The following SMC2 variants were observed in gnomAD, a reference collection of about 807,000 sequenced individuals.
SMC2 encodes structural maintenance of chromosomes protein 2.
A neutral mutation model predicts 142.6 loss-of-function variants in SMC2; 41 were observed. That is an observed-to-expected ratio of 0.29 (90% confidence interval 0.22 to 0.37). SMC2 has a LOEUF of 0.37. Ranked by LOEUF, SMC2 falls within the 10% of genes least tolerant of loss-of-function variation. The probability of loss-of-function intolerance (pLI) is 1.00; values close to 1 mark genes in which losing one functional copy is unlikely to be tolerated. For synonymous variants in SMC2, 463 were observed against 457.5 expected (o/e 1.01, Z -0.15); for missense variants, 1,265 against 1,373.7 (o/e 0.92, Z 1.25).
chr9:104,096,429 C>G, intron 3 of SMC2, 132 bp downstream of exon 3: 1 of 719,274 alleles, frequency 1.4e-6, no homozygotes, highest in South Asian at 1.9e-5. Context: ...TGACTAGATT[C>G]CTTAATGTCT....
chr9:104,114,909 T>A, intron 13 of SMC2, 80 bp downstream of exon 13: 1 of 1,250,086 alleles, frequency 8.0e-7, no homozygotes, highest in African/African-American at 1.5e-5. Flanking sequence ...TTAAATACTT[T>A]GATGTTTTAA....
At chr9:104,097,957 T>G (rs561520871) in intron 3 of SMC2, among the ~76,000 whole-genome samples, 2 of 152,214 alleles carry the variant, frequency 1.3e-5, no homozygotes, top group South Asian at 4.1e-4. Context: ...GATGACTTAA[T>G]GAAACCATAC....
rs535176142 is a variant in SMC2 at position 104,132,295 on chromosome 9, G to T, written c.3108+170G>T. Reference sequence around the variant, plus strand: ...AATGCATTTTTTTCTTTTTGAACTTGACTACTACCAGATCCTGGCATTCTT... The same window carrying T: ...AATGCATTTTTTTCTTTTTGAACTTTACTACTACCAGATCCTGGCATTCTT... On this transcript the variant is annotated intron_variant, in intron 22 of 24. Coordinates refer to ENST00000374793, the MANE Select transcript of SMC2 (RefSeq NM_006444.3). Among the ~76,000 whole-genome samples, 261 of 152,102 alleles carry T rather than the reference G, an allele frequency of 1.7e-3. 1 individual carries two copies. Among genetic ancestry groups the T allele is most frequent in the Middle Eastern group, 0.014 (4 of 292 alleles).
chr9:104,121,018 T>C (rs1264905305), intron 16 of SMC2, among the ~76,000 whole-genome samples: 1 of 152,150 alleles, frequency 6.6e-6, no homozygotes, highest in African/African-American at 2.4e-5. Context: ...AAAGACATGT[T>C]AAAATTTTAT....
intron 23 of SMC2, among the ~76,000 whole-genome samples, chr9:104,136,852 A>G (rs967566951): frequency 6.6e-6 from 1 of 150,716 alleles, no homozygotes; most frequent in Non-Finnish European, 1.5e-5. Context: ...ATTAGAATGC[A>G]GCAAGCCTTC....
At chr9:104,126,836 A>T (rs1834350738) in intron 19 of SMC2, 52 bp downstream of exon 19, 1 of 1,507,158 alleles carries the variant, frequency 6.6e-7, no homozygotes, top group African/African-American at 1.4e-5. Context: ...TCTTTTTATG[A>T]AACATTAGCT....
chr9:104,116,127 C>T, intron 13 of SMC2, 73 bp from the exon 14 acceptor site: 1 of 1,326,550 alleles, frequency 7.5e-7, no homozygotes, highest in Non-Finnish European at 1.0e-6. Context: ...TTATTATAGA[C>T]TACTAAACTT....
intron 9 of SMC2, among the ~76,000 whole-genome samples, chr9:104,107,397 C>T (rs570063064): frequency 9.2e-5 from 14 of 152,330 alleles, no homozygotes; most frequent in African/African-American, 2.2e-4. Flanking sequence ...CCATAGACTG[C>T]AGTCAGCATG....
upstream of SMC2, chr9:104,094,151 TC>T (rs747558464): frequency 2.6e-6 from 1 of 380,458 alleles, no homozygotes; most frequent in Non-Finnish European, 4.7e-6. Context: ...TGCCGGGGAG[TC>T]CCCGGAGCTA....
rs911318849 is a variant in SMC2 at position 104,094,649 on chromosome 9, A to AG, written c.-62+175dup. Reference sequence around the variant, plus strand: ...GCTAGCTTCTGTTCGACCTTGGAGTAGGGCGAAGAGGTGTAGACAGGCCTG... The same window carrying AG: ...GCTAGCTTCTGTTCGACCTTGGAGTAGGGGCGAAGAGGTGTAGACAGGCCTG... On this transcript the variant is annotated intron_variant, in intron 1 of 24. Transcript: ENST00000374793. The AG allele has an allele frequency of 1.4e-3, 540 of 373,904 alleles. 4 individuals carry two copies. The highest frequency in any genetic ancestry group is 2.6e-4 in the Non-Finnish European group (54 of 210,388). The allele number at this position is 373,904 out of a possible 1,614,324, so 23.2% of individuals were successfully genotyped here.
In SMC2 at chr9:104,117,554, C is replaced by T. The variant is rs116256057; in HGVS notation, c.1792-617C>T. 3.8e-3 allele frequency among the ~76,000 whole-genome samples: 584 copies of T among 152,262 alleles called. 4 individuals are homozygous for T. The highest frequency in any genetic ancestry group is 0.012 in the African/African-American group (514 of 41,554). ...TGTTTTCATTTCTGTAACTGGCAGA[C>T]GACTGCTCTAGCATGTTTCATTTGT... On this transcript the variant is annotated intron_variant, in intron 14 of 24. Transcript: ENST00000374793.
Position 104,129,667 on chromosome 9 carries a change from A to T in SMC2, c.2813A>T (p.Tyr938Phe), listed in dbSNP as rs564171583. The change falls in exon 21 of 25, where the codon TAT becomes TTT. Residue 938 changes from tyrosine (Y) to phenylalanine (F), a missense_variant. Transcript: ENST00000374793. ...AAKVSKMLKDYDWINAERHLF... is the reference protein window; with the variant it reads ...AAKVSKMLKDFDWINAERHLF... Reference sequence around the variant, plus strand: ...TAGGTATCCAAAATGTTGAAAGATTATGACTGGATTAATGCAGAGAGACAC... The same window carrying T: ...TAGGTATCCAAAATGTTGAAAGATTTTGACTGGATTAATGCAGAGAGACAC... The T allele has an allele frequency of 1.1e-5, 17 of 1,613,824 alleles. No individual in the cohort carries two copies. In the South Asian group the frequency reaches 1.6e-4, roughly 16 times the overall value.
rs759108029 is a variant in SMC2, at chr9:104,129,664, A to T, written c.2810A>T (p.Asp937Val). ...GAAKVSKMLKDYDWINAERHL... is the reference protein window; with the variant it reads ...GAAKVSKMLKVYDWINAERHL... ...GGCTAGGTATCCAAAATGTTGAAAG[A>T]TTATGACTGGATTAATGCAGAGAGA... is the stretch of plus-strand genomic sequence containing the variant. Residue 937 changes from aspartate to valine, a missense_variant, in exon 21 of 25, where the codon GAT becomes GTT. Coordinates refer to ENST00000374793, the MANE Select transcript of SMC2 (RefSeq NM_006444.3). 6.2e-7 allele frequency: 1 copy of T among 1,613,968 alleles called. No individual in the cohort carries two copies. The highest frequency in any genetic ancestry group is 8.5e-7 in the Non-Finnish European group (1 of 1,179,866).
intron 9 of SMC2, among the ~76,000 whole-genome samples, chr9:104,106,782 G>T (rs529761317): frequency 6.6e-6 from 1 of 152,276 alleles, no homozygotes; most frequent in African/African-American, 2.4e-5. Context: ...CTATGAGTTG[G>T]TGAAATGTAG....
At chr9:104,091,439 T>C (rs543699337), upstream of SMC2, among the ~76,000 whole-genome samples, 30 of 152,224 alleles carry the variant, frequency 2.0e-4, no homozygotes, top group African/African-American at 4.3e-4. Context: ...AGTCACATAA[T>C]GTAATCAGAC....
chr9:104,102,283 G>T (rs1200532515), intron 8 of SMC2, 90 bp downstream of exon 8: 2 of 1,075,764 alleles, frequency 1.9e-6, no homozygotes, highest in East Asian at 5.1e-5. Flanking sequence ...ATTGGGCATT[G>T]TCTTCCGTAT....
chr9:104,100,242 T>C, intron 6 of SMC2, 39 bp downstream of exon 6: 2 of 1,453,962 alleles, frequency 1.4e-6, no homozygotes, highest in Non-Finnish European at 1.9e-6. Flanking sequence ...GAGAAGAATG[T>C]AATTTTGCAT....
Position 104,134,393 on chromosome 9 carries a change from CTT to C in SMC2, c.3109-17_3109-16del. ...CTTGGAAAGCATCCTGATGTTTTAA[CTT>C]TTTTATTTTTTAAATCCAGGTGAAC... On this transcript the variant is annotated intron_variant, in intron 22 of 24. Coordinates refer to ENST00000374793, the MANE Select transcript of SMC2 (RefSeq NM_006444.3). 1 of 1,556,044 alleles carries C rather than the reference CTT, an allele frequency of 6.4e-7. No individual in the cohort carries two copies.
At chr9:104,136,322 T>C (rs1835522564) in intron 23 of SMC2, among the ~76,000 whole-genome samples, 1 of 152,004 alleles carries the variant, frequency 6.6e-6, no homozygotes, top group Admixed American at 6.6e-5. Flanking sequence ...TGAGTAGAAA[T>C]ATATTTTATT....
Sources: gnomAD v4.1 joint callset for allele counts (sites outside exome capture counted in the v4.1 genomes callset) on GRCh38, gnomAD v4.1.1 for gene constraint, MANE v1.5 for transcripts, NCBI Gene and HGNC (gene_info 2026-07-23, HGNC 2026-07-21) for gene names.